Variants in NEK3 observed in about 807,000 individuals in gnomAD.
NEK3 encodes the protein NIMA related kinase 3.
NEK3 carries 54 observed loss-of-function variants against 66.0 expected under a neutral mutation model. That is an observed-to-expected ratio of 0.82 (90% CI 0.66 to 1.03). The LOEUF is 1.03. Among genes scored for constraint, NEK3 ranks in the 50% least tolerant of loss-of-function variants. The pLI, the probability that NEK3 is intolerant of heterozygous loss-of-function variation, is 0.00. For missense variants in NEK3, 593 were observed against 603.0 expected (o/e 0.98, Z 0.17); for synonymous variants, 200 against 206.2 (o/e 0.97, Z 0.26).
At chr13:52,156,594 T>C (rs1956398323) in intron 1 of NEK3, 2 of 159,610 alleles carry the variant, frequency 1.3e-5, no homozygotes, top group Non-Finnish European at 2.7e-5. Flanking sequence ...TAACAAACTT[T>C]ACTGAATAAC....
chr13:52,153,616 A>G (rs1036523578), intron 4 of NEK3, among the ~76,000 whole-genome samples: 11 of 152,130 alleles, frequency 7.2e-5, no homozygotes, highest in African/African-American at 2.2e-4. Context: ...AAGATTTTAA[A>G]TATCTAGTAC....
At chr13:52,136,930 A>G (rs1956211284) in intron 11 of NEK3, 28 bp from the exon 12 acceptor site, 14 of 1,423,144 alleles carry the variant, frequency 9.8e-6, no homozygotes, top group Non-Finnish European at 1.2e-5. Context: ...AATACAGATT[A>G]AATAATGCTT....
intron 7 of NEK3, among the ~76,000 whole-genome samples, chr13:52,150,579 T>C (rs919627023): frequency 3.3e-5 from 5 of 152,236 alleles, no homozygotes; most frequent in Non-Finnish European, 2.9e-5. Context: ...ATCCCCACAA[T>C]TGGCACATAT....
intron 14 of NEK3, among the ~76,000 whole-genome samples, chr13:52,134,416 G>A (rs1006820896): frequency 1.3e-5 from 2 of 151,956 alleles, no homozygotes; most frequent in African/African-American, 4.8e-5. Context: ...GGCATTAAAA[G>A]TTACCCTTGG....
At chr13:52,157,362 G>A (rs982981208) in intron 1 of NEK3, 3 of 152,182 alleles carry the variant, frequency 2.0e-5, no homozygotes, top group African/African-American at 4.8e-5. Flanking sequence ...TGTAAGAACA[G>A]TTGACAGGAT....
At chr13:52,148,550 G>A (rs1956313329) in intron 7 of NEK3, 81 bp from the exon 8 acceptor site, 3 of 1,208,448 alleles carry the variant, frequency 2.5e-6, no homozygotes, top group Non-Finnish European at 3.7e-6. Context: ...CCTTTAATAA[G>A]AATAGATATC....
At chr13:52,147,811 C>T (rs1046107439) in intron 8 of NEK3, among the ~76,000 whole-genome samples, 4 of 151,482 alleles carry the variant, frequency 2.6e-5, no homozygotes, top group African/African-American at 9.7e-5. Flanking sequence ...CAAAAAAATA[C>T]AAAAAAAATG....
At position 52,133,790 on chromosome 13, in the gene NEK3, G is replaced by C. The variant is rs1014953198; in HGVS notation, c.1335C>G (p.Pro445=). 3.1e-6 allele frequency: 5 copies of C among 1,598,818 alleles called. No individual in the cohort carries two copies. In the African/African-American group the frequency reaches 5.4e-5, roughly 17 times the overall value. Residue 445 remains proline (P), a synonymous_variant, in exon 15 of 16, where the codon CCC becomes CCG. Coordinates refer to ENST00000610828, the MANE Select transcript of NEK3 (RefSeq NM_002498.3). ...CCGATGCTTCTGTTTCTTCAGACAGGGGGCCTTTCAAGAACCCTTCTGAAC... is the reference window on the plus strand; with the variant it reads ...CCGATGCTTCTGTTTCTTCAGACAGCGGGCCTTTCAAGAACCCTTCTGAAC... ...RPGSEGFLKG[P]LSEETEASDS... is the part of the protein sequence containing the mutation.
intron 7 of NEK3, 90 bp downstream of exon 7, chr13:52,151,056 T>G (rs1956341487): frequency 1.0e-6 from 1 of 976,526 alleles, no homozygotes; most frequent in Admixed American, 2.2e-5. Context: ...CATGCATCTG[T>G]TTTGAAGTGA....
chr13:52,138,141 C>T lies in NEK3; in HGVS notation c.928-1239G>A, dbSNP rs936482636. The stretch of plus-strand genomic sequence containing the variant: ...GGCTCAGGCGATCCTCCCGCCTCAG[C>T]TTCCCAGTAGCTGGGACTACAGGCA... On this transcript the variant is annotated intron_variant, in intron 11 of 15. Coordinates refer to ENST00000610828, the MANE Select transcript of NEK3 (RefSeq NM_002498.3). 3.3e-5 allele frequency among the ~76,000 whole-genome samples: 5 copies of T among 152,196 alleles called. No individual in the cohort carries two copies. The South Asian group carries it at 8.3e-4, about 25-fold the overall frequency.
At chr13:52,141,094 GA>G in intron 10 of NEK3, 25 bp from the exon 11 acceptor site, 1 of 1,581,516 alleles carries the variant, frequency 6.3e-7, no homozygotes, top group South Asian at 1.2e-5. Flanking sequence ...AGAGAAGGTA[GA>G]AAGATAAAAC....
In NEK3 at chr13:52,144,702, A is replaced by G. The variant is rs751510871; in HGVS notation, c.793T>C (p.Leu265=). ...GIVARLVQKC[L]PPEIIMEYGE... is the part of the protein sequence containing the mutation. ...AACACAGATCATACCTCGGGGGGTA[A>G]GCACTTCTGGACAAGCCGAGCTACG... Residue 265 remains leucine (L), a synonymous_variant, in exon 9 of 16, where the codon TTA becomes CTA. Transcript: ENST00000610828. 2 of 1,613,842 alleles carry G rather than the reference A, an allele frequency of 1.2e-6. No individual in the cohort carries two copies. The highest frequency in any genetic ancestry group is 1.7e-6 in the Non-Finnish European group (2 of 1,179,818).
chr13:52,138,240 G>A (rs567996407), intron 11 of NEK3, among the ~76,000 whole-genome samples: 2 of 152,216 alleles, frequency 1.3e-5, no homozygotes, highest in South Asian at 2.1e-4. Context: ...CAGGCTTGAC[G>A]CAAACTCCTG....
Position 52,133,761 on chromosome 13 carries a change from C to T in NEK3, c.1364G>A (p.Ser455Asn), listed in dbSNP as rs1348483245. 14 of 1,590,494 alleles carry T rather than the reference C, an allele frequency of 8.8e-6. No homozygotes were observed. The highest frequency in any genetic ancestry group is 1.1e-5 in the Non-Finnish European group (13 of 1,167,442). The change falls in exon 15 of 16, where the codon AGT becomes AAT. Residue 455 changes from serine (S) to asparagine (N), a missense_variant. Coordinates refer to ENST00000610828, the MANE Select transcript of NEK3 (RefSeq NM_002498.3). Reference protein sequence around the residue: ...PLSEETEASDSVDGGHDSVIL... With the variant: ...PLSEETEASDNVDGGHDSVIL... The stretch of plus-strand genomic sequence containing the variant: ...GACAGAATCGTGACCTCCATCAACA[C>T]TGTCCGATGCTTCTGTTTCTTCAGA...
chr13:52,158,876 G>C (rs976536661), intron 1 of NEK3, among the ~76,000 whole-genome samples: 2 of 152,152 alleles, frequency 1.3e-5, no homozygotes, highest in Non-Finnish European at 2.9e-5. Flanking sequence ...AACCTCACGG[G>C]CTAAGTTTTC....
In NEK3 at chr13:52,141,060, C is replaced by T. The variant is rs1441201467; in HGVS notation, c.887G>A (p.Ser296Asn). The T allele has an allele frequency of 1.3e-6, 2 of 1,599,196 alleles. No individual in the cohort carries two copies. Among genetic ancestry groups the T allele is most frequent in the East Asian group, 4.5e-5 (2 of 44,654 alleles). ...ATTTCCCAAAGCTATCCTGATTCTG[C>T]TGGGGTTTGCTTTTAAAAGAGAGAG... ...HNTPRKKTNP[S>N]RIRIALGNEA... Residue 296 changes from serine (S) to asparagine (N), a missense_variant, in exon 11 of 16, where the codon AGC becomes AAC. Ser to Asn is a conservative substitution (Grantham distance 46, BLOSUM62 1). Transcript: ENST00000610828.
At chr13:52,138,742 C>CA (rs1353064723) in intron 11 of NEK3, among the ~76,000 whole-genome samples, 1 of 152,006 alleles carries the variant, frequency 6.6e-6, no homozygotes, top group Non-Finnish European at 1.5e-5. Context: ...CCAGCCTGGG[C>CA]AACATAGTGA....
rs1385779699 is a variant in NEK3, at chr13:52,144,843, AC to A, written c.651del (p.Cys218AlafsTer16). ...TAATGAGACGGCAGTGGACTGATGC[AC>A]CCTTGACATACTTTGAGGATAAGAT... ...WKNLILKVCQ[G>X]CISPLPSHYS... On this transcript the variant is annotated frameshift_variant, in exon 9 of 16. Coordinates refer to ENST00000610828, the MANE Select transcript of NEK3 (RefSeq NM_002498.3). LOFTEE classifies it high-confidence loss of function. 6.2e-7 allele frequency: 1 copy of A among 1,612,370 alleles called. No homozygotes were observed. The highest frequency in any genetic ancestry group is 8.5e-7 in the Non-Finnish European group (1 of 1,179,096).
intron 14 of NEK3, 59 bp from the exon 15 acceptor site, chr13:52,133,874 A>G: frequency 6.6e-7 from 1 of 1,516,846 alleles, no homozygotes; most frequent in Non-Finnish European, 8.9e-7. Flanking sequence ...TATTTCATGC[A>G]GTTTGATTAA....
Sources: allele counts gnomAD v4.1 joint callset (sites outside exome capture counted in the v4.1 genomes callset), GRCh38; gene constraint gnomAD v4.1.1; transcripts MANE v1.5; gene names NCBI Gene and HGNC (gene_info 2026-07-23, HGNC 2026-07-21).